Variants in RORA observed in about 807,000 individuals in gnomAD.
RORA encodes RAR related orphan receptor A.
RORA carries 7 observed loss-of-function variants against 69.5 expected under a neutral mutation model. The ratio of observed to expected loss-of-function variants is 0.10; its 90% CI spans 0.06 to 0.19. The LOEUF is 0.19. Ranked by LOEUF, RORA falls within the 10% of genes least tolerant of loss-of-function variation. The probability of loss-of-function intolerance (pLI) is 1.00; values close to 1 mark genes in which losing one functional copy is unlikely to be tolerated. For synonymous variants in RORA, 261 were observed against 240.8 expected (o/e 1.08, Z -0.78); for missense variants, 457 against 663.0 (o/e 0.69, Z 3.41).
rs1331885063 is a variant in RORA at position 60,491,745 on chromosome 15, AATTGCACTGTGGAGAC to A, written c.*5694_*5709del. On this transcript the variant is annotated 3_prime_UTR_variant, in exon 11 of 11. Coordinates refer to ENST00000335670, the MANE Select transcript of RORA (RefSeq NM_134261.3). Reference sequence around the variant, plus strand: ...GACAGACAGACCCAGAAGTGAAACCAATTGCACTGTGGAGACATTGCTAGTCAGTCTTCTCATCTCT... The same window carrying A: ...GACAGACAGACCCAGAAGTGAAACCAATTGCTAGTCAGTCTTCTCATCTCT... 1.3e-5 allele frequency: 2 copies of A among 152,016 alleles called. No individual in the cohort carries two copies. The highest frequency in any genetic ancestry group is 2.9e-5 in the Non-Finnish European group (2 of 67,996). The allele number at this position is 152,016 out of a possible 1,614,324, so 9.4% of individuals were successfully genotyped here. A position where few individuals can be genotyped will look rare whatever the true frequency, so the allele number is the denominator to read the frequency against.
At chr15:61,172,721 TCTC>T (rs927288738) in intron 1 of RORA, among the ~76,000 whole-genome samples, 35 of 152,328 alleles carry the variant, frequency 2.3e-4, no homozygotes, top group Admixed American at 1.3e-3. Flanking sequence ...CTTTGATTCT[TCTC>T]CTGGAAAGCA....
At chr15:61,136,972 T>C (rs2079245774) in intron 1 of RORA, among the ~76,000 whole-genome samples, 1 of 147,288 alleles carries the variant, frequency 6.8e-6, no homozygotes, top group African/African-American at 2.5e-5. Context: ...CAGCATCCAA[T>C]GACTGGAGAC....
At chr15:61,215,782 G>C (rs2080035377) in intron 1 of RORA, among the ~76,000 whole-genome samples, 1 of 152,178 alleles carries the variant, frequency 6.6e-6, no homozygotes, top group Non-Finnish European at 1.5e-5. Flanking sequence ...TTCTCAGCTA[G>C]AGTCTATTTC....
intron 1 of RORA, among the ~76,000 whole-genome samples, chr15:60,809,363 T>C (rs957162901): frequency 1.3e-5 from 2 of 152,210 alleles, no homozygotes; most frequent in East Asian, 3.9e-4. Context: ...AATTCATTTA[T>C]TTAAAGTTGT....
At chr15:61,088,869 C>T (rs1053069474) in intron 1 of RORA, among the ~76,000 whole-genome samples, 2 of 152,112 alleles carry the variant, frequency 1.3e-5, no homozygotes, top group Non-Finnish European at 2.9e-5. Flanking sequence ...AAAGCACAGC[C>T]AAACCTCTAA....
chr15:61,158,869 G>A (rs1331665842), intron 1 of RORA, among the ~76,000 whole-genome samples: 8 of 152,148 alleles, frequency 5.3e-5, no homozygotes, highest in African/African-American at 1.7e-4. Flanking sequence ...GAAGTGGGGA[G>A]GTCCGCAAGG....
intron 1 of RORA, among the ~76,000 whole-genome samples, chr15:61,188,799 C>T (rs990824531): frequency 1.3e-5 from 2 of 152,178 alleles, no homozygotes; most frequent in Admixed American, 6.5e-5. Flanking sequence ...AAACGTCTAA[C>T]GTCACATGTT....
chr15:60,649,339 C>T (rs1432979286), intron 2 of RORA, among the ~76,000 whole-genome samples: 3 of 152,126 alleles, frequency 2.0e-5, no homozygotes, highest in Middle Eastern at 3.2e-3. Context: ...CTGGCCATTA[C>T]TGTTTTGGCT....
chr15:60,892,915 T>C (rs913785092), intron 1 of RORA, among the ~76,000 whole-genome samples: 2 of 152,236 alleles, frequency 1.3e-5, no homozygotes, highest in Non-Finnish European at 2.9e-5. Flanking sequence ...TCGGATTCTA[T>C]AATGCACTTA....
chr15:61,065,285 A>T (rs1487242691), intron 1 of RORA, among the ~76,000 whole-genome samples: 4 of 152,198 alleles, frequency 2.6e-5, no homozygotes, highest in African/African-American at 9.7e-5. Flanking sequence ...GGTGGGGGCC[A>T]TATCTGTATC....
intron 1 of RORA, among the ~76,000 whole-genome samples, chr15:61,106,956 A>T (rs1169141422): frequency 6.6e-6 from 1 of 152,166 alleles, no homozygotes; most frequent in Non-Finnish European, 1.5e-5. Flanking sequence ...AATCCTTATA[A>T]TCCTAGAAGA....
chr15:61,178,856 T>A (rs1244815229), intron 1 of RORA, among the ~76,000 whole-genome samples: 1 of 152,214 alleles, frequency 6.6e-6, no homozygotes, highest in Non-Finnish European at 1.5e-5. Context: ...TAGCTAACCA[T>A]ATAGACTATA....
intron 1 of RORA, among the ~76,000 whole-genome samples, chr15:60,758,801 C>G (rs2071839371): frequency 6.6e-6 from 1 of 152,186 alleles, no homozygotes; most frequent in African/African-American, 2.4e-5. Context: ...TGCCAACTAA[C>G]TCTATAAAGT....
intron 1 of RORA, among the ~76,000 whole-genome samples, chr15:60,849,538 A>G (rs2073302140): frequency 6.6e-6 from 1 of 152,248 alleles, no homozygotes; most frequent in South Asian, 2.1e-4. Context: ...AGAGACAAGC[A>G]TGGGCACATC....
At chr15:60,975,126 CTG>C (rs1030888940) in intron 1 of RORA, among the ~76,000 whole-genome samples, 3 of 152,034 alleles carry the variant, frequency 2.0e-5, no homozygotes, top group African/African-American at 4.8e-5. Flanking sequence ...AAAAAGATAA[CTG>C]TGGAGAGAGT....
intron 1 of RORA, among the ~76,000 whole-genome samples, chr15:60,858,415 A>G (rs2073402955): frequency 6.6e-6 from 1 of 152,192 alleles, no homozygotes; most frequent in Admixed American, 6.5e-5. Context: ...TGAAGAAAAA[A>G]GACCAGGGAC....
At position 61,003,111 on chromosome 15, in the gene RORA, T is replaced by G. The variant is rs967102938; in HGVS notation, c.166+225942A>C. Among the ~76,000 whole-genome samples the G allele has an allele frequency of 4.3e-5, 6 of 141,118 alleles. No homozygotes were observed. The Admixed American group carries it at 4.4e-4, about 10-fold the overall frequency. The allele number at this position is 141,118 out of a possible 152,430, so 92.6% of individuals were successfully genotyped here. ...GTGAGCCGAGATGGTGCCACTGCAC[T>G]CCAGACAGAATGAGACTCAGTCTCA... On this transcript the variant is annotated intron_variant, in intron 1 of 10. Transcript: ENST00000335670.
At chr15:60,995,078 A>T (rs1566937029) in intron 1 of RORA, among the ~76,000 whole-genome samples, 1 of 152,198 alleles carries the variant, frequency 6.6e-6, no homozygotes, top group Non-Finnish European at 1.5e-5. Flanking sequence ...AAAGATTTTT[A>T]AAAAAAGAAG....
At chr15:60,651,331 AC>A (rs2070140068) in intron 2 of RORA, among the ~76,000 whole-genome samples, 2 of 152,264 alleles carry the variant, frequency 1.3e-5, no homozygotes, top group African/African-American at 4.8e-5. Flanking sequence ...TCATATAAAT[AC>A]CACACGTTGC....
Sources: allele counts gnomAD v4.1 joint callset (sites outside exome capture counted in the v4.1 genomes callset), GRCh38; gene constraint gnomAD v4.1.1; transcripts MANE v1.5; gene names NCBI Gene and HGNC (gene_info 2026-07-23, HGNC 2026-07-21).